FBXW7: variants seen among roughly 807,000 people sequenced by gnomAD.
The protein encoded by FBXW7 is F-box/WD repeat-containing protein 7.
In FBXW7, 11 loss-of-function variants were observed where a neutral mutation model predicts 86.3. That is an observed-to-expected ratio of 0.13 (90% confidence interval 0.08 to 0.21). The LOEUF is 0.21. Among genes scored for constraint, FBXW7 ranks in the 10% least tolerant of loss-of-function variants. The pLI is 1.00. For missense variants in FBXW7, 488 were observed against 847.4 expected (o/e 0.58, Z 5.27); for synonymous variants, 313 against 297.9 (o/e 1.05, Z -0.52).
chr4:152,531,043 C>CAT (rs2149748654), intron 2 of FBXW7, among the ~76,000 whole-genome samples: 1 of 152,234 alleles, frequency 6.6e-6, no homozygotes, highest in African/African-American at 2.4e-5. Flanking sequence ...CCTTTGGGGT[C>CAT]ATCTGGTGGG....
chr4:152,464,743 T>C (rs1743253005), intron 2 of FBXW7, among the ~76,000 whole-genome samples: 2 of 152,194 alleles, frequency 1.3e-5, no homozygotes, highest in African/African-American at 4.8e-5. Context: ...TTTGGAAATC[T>C]CAGGTATTCA....
chr4:152,533,857 G>C (rs1347440084), intron 2 of FBXW7, among the ~76,000 whole-genome samples: 2 of 152,180 alleles, frequency 1.3e-5, no homozygotes, highest in African/African-American at 4.8e-5. Flanking sequence ...CCTGAATGGA[G>C]AACTTCGAAA....
At chr4:152,348,038 T>C (rs1055505347) in intron 5 of FBXW7, among the ~76,000 whole-genome samples, 14 of 152,132 alleles carry the variant, frequency 9.2e-5, no homozygotes, top group African/African-American at 3.4e-4. Flanking sequence ...ACTCAATTCA[T>C]TGAGCTATGT....
At chr4:152,332,953 G>A (rs919625519) in intron 7 of FBXW7, among the ~76,000 whole-genome samples, 1 of 151,808 alleles carries the variant, frequency 6.6e-6, no homozygotes, top group Non-Finnish European at 1.5e-5. Flanking sequence ...CCCTCTTCAA[G>A]GACTACTTAT....
At chr4:152,518,229 T>C (rs760385628) in intron 2 of FBXW7, among the ~76,000 whole-genome samples, 3 of 152,072 alleles carry the variant, frequency 2.0e-5, no homozygotes, top group Non-Finnish European at 2.9e-5. Flanking sequence ...CCTCAAGTGA[T>C]CCACCCGCCT....
chr4:152,428,965 G>A (rs1350235469), intron 2 of FBXW7, among the ~76,000 whole-genome samples: 1 of 152,142 alleles, frequency 6.6e-6, no homozygotes, highest in South Asian at 2.1e-4. Context: ...CAAGGCGGGT[G>A]GATCACCTGA....
chr4:152,515,780 G>T (rs1334370724), intron 2 of FBXW7, among the ~76,000 whole-genome samples: 7 of 143,600 alleles, frequency 4.9e-5, no homozygotes, highest in Non-Finnish European at 6.0e-5. Context: ...GCAAGGCACT[G>T]TCCAAGCAAT....
At chr4:152,369,053 G>C (rs368261818) in intron 4 of FBXW7, among the ~76,000 whole-genome samples, 13 of 151,972 alleles carry the variant, frequency 8.6e-5, no homozygotes, top group African/African-American at 2.9e-4. Context: ...CAAAATTTAT[G>C]CTGTGCATCT....
intron 4 of FBXW7, among the ~76,000 whole-genome samples, chr4:152,387,462 G>C (rs751675752): frequency 8.6e-5 from 13 of 152,016 alleles, no homozygotes; most frequent in Non-Finnish European, 1.3e-4. Flanking sequence ...GAGTATTAAA[G>C]TATTTCCCTA....
intron 4 of FBXW7, among the ~76,000 whole-genome samples, chr4:152,362,072 A>G (rs1389868350): frequency 1.2e-4 from 18 of 152,092 alleles, no homozygotes; most frequent in Admixed American, 1.2e-3. Flanking sequence ...ATGTGGAATG[A>G]ATATCATAAG....
At chr4:152,351,202 G>T (rs1385124646) in intron 4 of FBXW7, among the ~76,000 whole-genome samples, 1 of 152,014 alleles carries the variant, frequency 6.6e-6, no homozygotes, top group Admixed American at 6.6e-5. Context: ...CCTTACATGG[G>T]AACATCATAA....
chr4:152,411,358 A>G lies in FBXW7; in HGVS notation c.446T>C (p.Ile149Thr). 1 of 1,613,456 alleles carries G rather than the reference A, an allele frequency of 6.2e-7. No individual in the cohort carries two copies. The highest frequency in any genetic ancestry group is 8.5e-7 in the Non-Finnish European group (1 of 1,179,734). ...HTNSVTNSSS[I>T]VDLPVHQLSS... ...GAGTTGGTGAACGGGCAGGTCCACA[A>G]TACTACTGGAGTTCGTGACACTGTT... is the stretch of plus-strand genomic sequence containing the variant. The change falls in exon 4 of 14, where the codon ATT becomes ACT. Residue 149 changes from isoleucine to threonine, a missense_variant. Ile to Thr is a moderately conservative substitution (Grantham distance 89). Transcript: ENST00000281708.
At chr4:152,486,490 T>G in intron 2 of FBXW7, among the ~76,000 whole-genome samples, 1 of 152,204 alleles carries the variant, frequency 6.6e-6, no homozygotes, top group African/African-American at 2.4e-5. Context: ...CTTTTAAAAC[T>G]GTTTTGCTAA....
intron 2 of FBXW7, among the ~76,000 whole-genome samples, chr4:152,440,379 G>A (rs937230477): frequency 4.6e-5 from 7 of 152,154 alleles, no homozygotes; most frequent in African/African-American, 1.4e-4. Context: ...CCTGGTTAGA[G>A]AGGATACATT....
intron 2 of FBXW7, among the ~76,000 whole-genome samples, chr4:152,499,575 C>A (rs917999313): frequency 6.6e-5 from 10 of 152,042 alleles, no homozygotes. Flanking sequence ...TCAGTTATTG[C>A]ACACAGCTCC....
intron 2 of FBXW7, among the ~76,000 whole-genome samples, chr4:152,431,813 G>A (rs1739917385): frequency 6.6e-6 from 1 of 152,110 alleles, no homozygotes; most frequent in South Asian, 2.1e-4. Context: ...TTACTAAGAT[G>A]GGAATCCTAC....
At chr4:152,484,085 G>A (rs1038782035) in intron 2 of FBXW7, among the ~76,000 whole-genome samples, 5 of 152,090 alleles carry the variant, frequency 3.3e-5, no homozygotes, top group Non-Finnish European at 5.9e-5. Flanking sequence ...TTTTCATTCT[G>A]AAAAATAGCT....
At chr4:152,509,696 A>G (rs1266602704) in intron 2 of FBXW7, among the ~76,000 whole-genome samples, 2 of 152,208 alleles carry the variant, frequency 1.3e-5, no homozygotes, top group Non-Finnish European at 2.9e-5. Context: ...CTACCCCTCA[A>G]TAAGTGTTGG....
chr4:152,420,022 A>G (rs1380577636), intron 2 of FBXW7, among the ~76,000 whole-genome samples: 1 of 152,168 alleles, frequency 6.6e-6, no homozygotes, highest in Non-Finnish European at 1.5e-5. Context: ...TCCTTTCATG[A>G]AAGACACTAG....
Sources: allele counts gnomAD v4.1 joint callset (sites outside exome capture counted in the v4.1 genomes callset), GRCh38; gene constraint gnomAD v4.1.1; transcripts MANE v1.5; gene names NCBI Gene and HGNC (gene_info 2026-07-23, HGNC 2026-07-21).